ROS1: variants seen among roughly 807,000 people sequenced by gnomAD.
ROS1 encodes the protein ROS proto-oncogene 1, receptor tyrosine kinase, also known as proto-oncogene tyrosine-protein kinase ROS.
A neutral mutation model predicts 273.5 loss-of-function variants in ROS1; 263 were observed. The observed-to-expected ratio is 0.96, with a 90% CI of 0.87 to 1.06. The LOEUF (loss-of-function observed/expected upper bound fraction) is 1.06, where lower values mean the gene tolerates loss of function less well. ROS1 is among the 50% of genes least tolerant of loss of function. The pLI is 0.00. For synonymous variants in ROS1, 1,008 were observed against 954.1 expected, an observed-to-expected ratio of 1.06 and a Z score of -1.04; for missense variants, 2,833 against 2,751.1, an observed-to-expected ratio of 1.03 and a Z score of -0.67.
chr6:117,420,203 G>A (rs1775646975), intron 1 of ROS1, among the ~76,000 whole-genome samples: 1 of 151,882 alleles, frequency 6.6e-6, no homozygotes, highest in Admixed American at 6.6e-5. Flanking sequence ...TTAACCGGAT[G>A]CCTTCCATAA....
At chr6:117,328,333 A>G (rs1397124398) in intron 33 of ROS1, 2 of 252,212 alleles carry the variant, frequency 7.9e-6, no homozygotes, top group East Asian at 1.1e-4. Flanking sequence ...GGTGTTACTC[A>G]GGGTAACACA....
At chr6:117,403,302 C>A in intron 6 of ROS1, 25 bp from the exon 7 acceptor site, 3 of 1,605,892 alleles carry the variant, frequency 1.9e-6, no homozygotes, top group Non-Finnish European at 2.5e-6. Flanking sequence ...GATCAATCAT[C>A]AGCATTATAG....
chr6:117,331,024 T>C (rs518987), intron 32 of ROS1, among the ~76,000 whole-genome samples: 14,426 of 152,230 alleles, frequency 0.095, 875 homozygotes, highest in Middle Eastern at 0.14. Flanking sequence ...CTTCACAAGA[T>C]GGGTAGAAAA....
At chr6:117,357,759 A>T in intron 25 of ROS1, 45 bp downstream of exon 25, 1 of 1,269,214 alleles carries the variant, frequency 7.9e-7, no homozygotes, top group Non-Finnish European at 1.1e-6. Flanking sequence ...AAATATGTCT[A>T]TATCTATTTC....
intron 33 of ROS1, among the ~76,000 whole-genome samples, chr6:117,327,400 T>G (rs771939780): frequency 6.6e-6 from 1 of 152,216 alleles, no homozygotes; most frequent in African/African-American, 2.4e-5. Context: ...GCCATTTCAC[T>G]GTTTAACCAA....
intron 43 of ROS1, among the ~76,000 whole-genome samples, chr6:117,297,372 C>G (rs1413236112): frequency 6.6e-6 from 1 of 152,050 alleles, no homozygotes; most frequent in East Asian, 1.9e-4. Flanking sequence ...ACAAATGTGA[C>G]TTAATTAAGC....
intron 1 of ROS1, among the ~76,000 whole-genome samples, chr6:117,421,595 T>TGGCTG (rs1382860977): frequency 6.6e-6 from 1 of 152,216 alleles, no homozygotes; most frequent in Admixed American, 6.5e-5. Context: ...AGACATTATT[T>TGGCTG]CATTCCTTTT....
intron 6 of ROS1, among the ~76,000 whole-genome samples, chr6:117,403,766 AT>A (rs1288273186): frequency 2.0e-5 from 3 of 152,202 alleles, no homozygotes; most frequent in Non-Finnish European, 4.4e-5. Flanking sequence ...TATGTCCAAC[AT>A]TATATTTTCC....
At chr6:117,296,076 T>C (rs1334792276) in intron 43 of ROS1, among the ~76,000 whole-genome samples, 1 of 152,144 alleles carries the variant, frequency 6.6e-6, no homozygotes, top group African/African-American at 2.4e-5. Context: ...TAGCTAAGAT[T>C]TGGAAGCAAC....
chr6:117,369,033 T>C (rs1459659060), intron 18 of ROS1, among the ~76,000 whole-genome samples: 2 of 152,188 alleles, frequency 1.3e-5, no homozygotes, highest in Non-Finnish European at 2.9e-5. Flanking sequence ...GTGACTTGCA[T>C]TATATTTGTA....
chr6:117,419,344 T>C (rs376765588), intron 1 of ROS1, among the ~76,000 whole-genome samples: 25 of 152,304 alleles, frequency 1.6e-4, no homozygotes, highest in Middle Eastern at 3.4e-3. Context: ...GAAAACATTA[T>C]CCAATGGCTT....
Position 117,366,214 on chromosome 6 carries a change from T to C in ROS1, c.2659A>G (p.Ser887Gly), listed in dbSNP as rs1240882470. The change falls in exon 19 of 44, where the codon AGT (serine) becomes GGT (glycine). Residue 887 changes from serine (S) to glycine (G), a missense_variant. Transcript: ENST00000368507. ...CCATTGATCCAGAACAGCCGACCAC[T>C]ATAGTACATCAGTGCATTCTGGGAA... is the stretch of plus-strand genomic sequence containing the variant. ...EISQNALMYY[S>G]GRLFWINGFR... The C allele has an allele frequency of 6.2e-7, 1 of 1,613,974 alleles. No individual in the cohort carries two copies. The highest frequency in any genetic ancestry group is 1.3e-5 in the African/African-American group (1 of 74,912).
intron 17 of ROS1, among the ~76,000 whole-genome samples, chr6:117,382,501 A>G (rs1406429426): frequency 6.6e-6 from 1 of 152,206 alleles, no homozygotes; most frequent in Non-Finnish European, 1.5e-5. Context: ...AATGGTGTGA[A>G]TAATTTATTT....
At chr6:117,311,183 G>A (rs1775519235) in intron 39 of ROS1, 66 bp from the exon 40 acceptor site, 4 of 837,528 alleles carry the variant, frequency 4.8e-6, no homozygotes, top group Non-Finnish European at 5.8e-6. Flanking sequence ...ACATATATGT[G>A]TGAATATAAG....
Position 117,425,766 on chromosome 6 carries a change from C to T in ROS1, c.-110G>A, listed in dbSNP as rs1776093362. On this transcript the variant is annotated 5_prime_UTR_variant, in exon 1 of 44. Coordinates refer to ENST00000368507, the MANE Select transcript of ROS1 (RefSeq NM_001378902.1). The stretch of plus-strand genomic sequence containing the variant: ...TTGGAGGAGTAGCTGATGGATTTTG[C>T]TTTGTTTGTTTTGCTATATTAGGAT... 2 of 1,265,624 alleles carry T rather than the reference C, an allele frequency of 1.6e-6. No individual in the cohort carries two copies. The highest frequency in any genetic ancestry group is 4.8e-5 in the East Asian group (2 of 41,918). 78.4% of individuals were successfully genotyped at this position (1,265,624 alleles called of 1,614,324 possible).
At position 117,318,225 on chromosome 6, in the gene ROS1, C is replaced by T. The variant is rs1776053836; in HGVS notation, c.5950G>A (p.Glu1984Lys). ...KTLKKGSTDQ[E>K]KIEFLKEAHL... ...GCCTCCTTCAGGAATTCAATCTTCT[C>T]CTGGTCTGTGGAACCCTTCTTCAAA... The change falls in exon 38 of 44, where the codon GAG (glutamate) becomes AAG (lysine). Residue 1984 changes from glutamate to lysine, a missense_variant. Coordinates refer to ENST00000368507, the MANE Select transcript of ROS1 (RefSeq NM_001378902.1). 1.2e-6 allele frequency: 2 copies of T among 1,612,910 alleles called. No individual in the cohort carries two copies. Among genetic ancestry groups the T allele is most frequent in the Non-Finnish European group, 1.7e-6 (2 of 1,179,256 alleles).
chr6:117,411,346 A>G (rs1441947837), intron 4 of ROS1, among the ~76,000 whole-genome samples: 2 of 150,964 alleles, frequency 1.3e-5, no homozygotes, highest in Admixed American at 6.6e-5. Context: ...TTGGACTTCA[A>G]ATAAAGTTAT....
At chr6:117,418,009 G>C (rs1025485815) in intron 2 of ROS1, among the ~76,000 whole-genome samples, 5 of 152,146 alleles carry the variant, frequency 3.3e-5, no homozygotes, top group Non-Finnish European at 7.4e-5. Flanking sequence ...CTTTTAAACA[G>C]AGACCCTATT....
Position 117,322,258 on chromosome 6 carries a change from C to T in ROS1, c.5624-864G>A, listed in dbSNP as rs111963868. ...CCTTTTGCTAAATTAATTTTTCCAA[C>T]TTGAAATGTTCTCACCACCTCGCTT... On this transcript the variant is annotated intron_variant, in intron 35 of 43. Transcript: ENST00000368507. 4.1e-3 allele frequency among the ~76,000 whole-genome samples: 620 copies of T among 152,212 alleles called. 2 individuals carry two copies. Among genetic ancestry groups the T allele is most frequent in the African/African-American group, 0.013 (554 of 41,552 alleles).
Sources: gnomAD v4.1 joint callset for allele counts (sites outside exome capture counted in the v4.1 genomes callset) on GRCh38, gnomAD v4.1.1 for gene constraint, MANE v1.5 for transcripts, NCBI Gene and HGNC (gene_info 2026-07-23, HGNC 2026-07-21) for gene names.